Variants in OTOF observed in about 807,000 individuals in gnomAD.
The protein encoded by OTOF is otoferlin.
A neutral mutation model predicts 236.8 loss-of-function variants in OTOF; 218 were observed. The ratio of observed to expected loss-of-function variants is 0.92; its 90% confidence interval spans 0.82 to 1.03. The LOEUF (loss-of-function observed/expected upper bound fraction) is 1.03, where lower values mean the gene tolerates loss of function less well. OTOF is among the 50% of genes least tolerant of loss of function. The pLI is 0.00. For synonymous variants in OTOF, 1,041 were observed against 1,072.5 expected (o/e 0.97, Z 0.57); for missense variants, 2,590 against 2,694.4 (o/e 0.96, Z 0.86).
At chr2:26,514,705 T>C (rs1055689865) in intron 5 of OTOF, among the ~76,000 whole-genome samples, 4 of 152,194 alleles carry the variant, frequency 2.6e-5, no homozygotes, top group African/African-American at 9.6e-5. Flanking sequence ...GCTGGTGACA[T>C]GCCCAGTGTC....
intron 15 of OTOF, 71 bp from the exon 16 acceptor site, chr2:26,480,382 C>G: frequency 1.1e-6 from 1 of 942,106 alleles, no homozygotes; most frequent in Non-Finnish European, 1.7e-6. Context: ...GGCCTCCTTC[C>G]GTCTCACAGA....
In OTOF at chr2:26,465,098, G is replaced by A. The variant is rs149810107; in HGVS notation, c.4800-69C>T. The A allele has an allele frequency of 4.8e-4, 647 of 1,352,206 alleles. 4 individuals carry two copies. In the South Asian group the frequency reaches 0.011, roughly 23 times the overall value. The allele number at this position is 1,352,206 out of a possible 1,614,324, so 83.8% of individuals were successfully genotyped here. ...AAGCCATCCTGGATGACAGCTGGTC[G>A]TGGCCAGTTCTCTAAAGTTGGCTGT... On this transcript the variant is annotated intron_variant, in intron 38 of 46. Transcript: ENST00000272371.
At chr2:26,478,885 G>A (rs1171536155) in intron 18 of OTOF, among the ~76,000 whole-genome samples, 2 of 152,168 alleles carry the variant, frequency 1.3e-5, no homozygotes, top group Non-Finnish European at 2.9e-5. Flanking sequence ...TTTTAGTAGA[G>A]ACGGCATTTC....
chr2:26,474,800 G>A, intron 25 of OTOF, 126 bp from the exon 26 acceptor site: 2 of 1,080,180 alleles, frequency 1.9e-6, no homozygotes, highest in South Asian at 2.6e-5. Flanking sequence ...TTTTACAGAT[G>A]AGGAAACCAA....
chr2:26,472,550 T>C lies in OTOF; in HGVS notation c.3833A>G (p.Lys1278Arg), dbSNP rs1423388526. 1.9e-6 allele frequency: 3 copies of C among 1,613,550 alleles called. No homozygotes were observed. The South Asian group carries it at 3.3e-5, about 18-fold the overall frequency. The change falls in exon 30 of 47, where the codon AAG (lysine) becomes AGG (arginine). Residue 1278 changes from lysine (K) to arginine (R), a missense_variant. Physicochemically the swap from Lys to Arg is conservative, Grantham distance 26. Coordinates refer to ENST00000272371, the MANE Select transcript of OTOF (RefSeq NM_194248.3). ...VVTMEPEVPI[K>R]KLETMVKLDA... ...CAGCTTCACCATGGTCTCCAGTTTC[T>C]TGATGGGTACCTCTGGCTCCATAGT... is the stretch of plus-strand genomic sequence containing the variant.
chr2:26,473,092 C>T lies in OTOF; in HGVS notation c.3733+40G>A, dbSNP rs755755260. 16 of 1,593,708 alleles carry T rather than the reference C, an allele frequency of 1.0e-5. No homozygotes were observed. The highest frequency in any genetic ancestry group is 2.1e-4 in the Middle Eastern group (1 of 4,772). ...AGACCTGGAGCCCTTCCCTGGGGGG[C>T]GTGGAGCCAGGCTTGGTGGCAGGGT... On this transcript the variant is annotated intron_variant, in intron 29 of 46. Coordinates refer to ENST00000272371, the MANE Select transcript of OTOF (RefSeq NM_194248.3). This position sits in a 1 kb window ranked among gnomAD's most constrained non-coding sequence, Gnocchi z 7.2.
chr2:26,479,731 TG>T (rs1665477212), intron 16 of OTOF, 78 bp from the exon 17 acceptor site: 1 of 1,461,964 alleles, frequency 6.8e-7, no homozygotes. Flanking sequence ...GGTGCTGCCT[TG>T]GGTTTGGGAA....
rs1665118768 is a variant in OTOF, at chr2:26,473,854, G to A, written c.3408+137C>T. On this transcript the variant is annotated intron_variant, in intron 27 of 46. Transcript: ENST00000272371. This position sits in a 1 kb window ranked among gnomAD's most constrained non-coding sequence, Gnocchi z 7.2. The stretch of plus-strand genomic sequence containing the variant: ...TGCGACTTGGTGCAGATGGGGGCAG[G>A]CCCTGGGCTGGGGCAGGAGCCTGGG... 1 of 1,196,788 alleles carries A rather than the reference G, an allele frequency of 8.4e-7. No individual in the cohort carries two copies. Among genetic ancestry groups the A allele is most frequent in the Admixed American group, 1.8e-5 (1 of 55,754 alleles). The allele number at this position is 1,196,788 out of a possible 1,614,324, so 74.1% of individuals were successfully genotyped here.
At chr2:26,469,824 GA>G (rs1315354830) in intron 32 of OTOF, among the ~76,000 whole-genome samples, 1 of 152,246 alleles carries the variant, frequency 6.6e-6, no homozygotes, top group African/African-American at 2.4e-5. Context: ...TTGGGTCACA[GA>G]AAGGGCCTGG....
At chr2:26,533,189 C>A (rs935000410) in intron 2 of OTOF, among the ~76,000 whole-genome samples, 2 of 152,178 alleles carry the variant, frequency 1.3e-5, no homozygotes, top group Non-Finnish European at 2.9e-5. Flanking sequence ...TTAAGAGAAT[C>A]TAATGCCTGA....
intron 3 of OTOF, 150 bp from the exon 4 acceptor site, chr2:26,519,259 A>G (rs537416444): frequency 7.7e-4 from 504 of 656,102 alleles, no homozygotes; most frequent in Non-Finnish European, 1.3e-3. Context: ...CCCAGGAGCC[A>G]GGACTGGTTG....
At position 26,464,123 on chromosome 2, in the gene OTOF, C is replaced by T. The variant is rs2148024950; in HGVS notation, c.4961-17G>A. The T allele has an allele frequency of 6.2e-7, 1 of 1,612,922 alleles. No individual in the cohort carries two copies. The highest frequency in any genetic ancestry group is 8.5e-7 in the Non-Finnish European group (1 of 1,179,904). On this transcript the variant is annotated splice_polypyrimidine_tract_variant and intron_variant, in intron 39 of 46. Transcript: ENST00000272371. Reference sequence around the variant, plus strand: ...TCCTCTGACCTGTGGGTGCCGGCGGCTCAGCTGCACACATGGCTCAGCAGA... The same window carrying T: ...TCCTCTGACCTGTGGGTGCCGGCGGTTCAGCTGCACACATGGCTCAGCAGA...
chr2:26,487,291 T>C (rs1665723957), intron 11 of OTOF, among the ~76,000 whole-genome samples: 1 of 151,980 alleles, frequency 6.6e-6, no homozygotes, highest in Admixed American at 6.5e-5. Context: ...GATATCAGAG[T>C]AAAGACATTG....
Position 26,460,024 on chromosome 2 carries a change from C to T in OTOF, c.*1G>A. 6.4e-7 allele frequency: 1 copy of T among 1,566,338 alleles called. No homozygotes were observed. Among genetic ancestry groups the T allele is most frequent in the Non-Finnish European group, 8.7e-7 (1 of 1,155,544 alleles). On this transcript the variant is annotated 3_prime_UTR_variant, in exon 46 of 47. Transcript: ENST00000272371. The surrounding 1 kb of genome is among the most constrained non-coding windows in gnomAD (Gnocchi z 5.3). ...ATATCAGACCCAGGAGGCCACTGGG[C>T]TCAGGCCCCGAGGATTTTCTTGACC... is the stretch of plus-strand genomic sequence containing the variant.
At chr2:26,489,377 G>A (rs1665781357) in intron 10 of OTOF, 82 bp from the exon 11 acceptor site, 9 of 1,086,722 alleles carry the variant, frequency 8.3e-6, no homozygotes, top group Non-Finnish European at 1.2e-5. Context: ...CCCGAGCTTT[G>A]TGGTGAAGTG....
chr2:26,497,623 G>A (rs1280342192), intron 8 of OTOF, among the ~76,000 whole-genome samples: 4 of 152,184 alleles, frequency 2.6e-5, no homozygotes, highest in Non-Finnish European at 5.9e-5. Context: ...ATCATGTTAA[G>A]GAAATAGAAA....
At position 26,488,930 on chromosome 2, in the gene OTOF, C is replaced by T. The variant is rs1027388183; in HGVS notation, c.1045+281G>A. Among the ~76,000 whole-genome samples the T allele has an allele frequency of 5.9e-5, 9 of 152,392 alleles. 1 individual carries two copies. In the South Asian group the frequency reaches 1.0e-3, roughly 18 times the overall value. ...CAGTGATGCACCAGCCTGCCATGCACTCCAGAGCGTGTGATGAAGCTCCTT... is the reference window on the plus strand; with the variant it reads ...CAGTGATGCACCAGCCTGCCATGCATTCCAGAGCGTGTGATGAAGCTCCTT... On this transcript the variant is annotated intron_variant, in intron 11 of 46. Transcript: ENST00000272371.
chr2:26,550,114 A>AG (rs1667423339), intron 1 of OTOF, among the ~76,000 whole-genome samples: 1 of 152,054 alleles, frequency 6.6e-6, no homozygotes, highest in Non-Finnish European at 1.5e-5. Context: ...GAAAAAAAAA[A>AG]AAGCCAGTGG....
In OTOF at chr2:26,474,591, T is replaced by G; in HGVS notation, c.3210A>C (p.Pro1070=). 6.2e-7 allele frequency: 1 copy of G among 1,613,242 alleles called. No individual in the cohort carries two copies. The highest frequency in any genetic ancestry group is 8.5e-7 in the Non-Finnish European group (1 of 1,179,980). The change falls in exon 26 of 47, where the codon CCA becomes CCC. Residue 1070 remains proline, a synonymous_variant. Coordinates refer to ENST00000272371, the MANE Select transcript of OTOF (RefSeq NM_194248.3). The stretch of plus-strand genomic sequence containing the variant: ...AGATCTGGTAGTACTCGAGCTGAGG[T>G]GGGAAGCGGGGTGGGCAGTACGCCT... ...ADEAYCPPRF[P]PQLEYYQIYR...
Sources: allele counts gnomAD v4.1 joint callset (sites outside exome capture counted in the v4.1 genomes callset), GRCh38; gene constraint gnomAD v4.1.1; non-coding constraint Gnocchi (gnomAD v3.1); transcripts MANE v1.5; gene names NCBI Gene and HGNC (gene_info 2026-07-23, HGNC 2026-07-21).